The following PLEKHA8 variants were observed in gnomAD, a reference collection of about 807,000 sequenced individuals.
PLEKHA8 encodes the protein pleckstrin homology domain-containing family A member 8.
Under a neutral mutation model 68.2 loss-of-function variants are expected in PLEKHA8, and 36 were observed. That is an observed-to-expected ratio of 0.53 (90% CI 0.40 to 0.70). PLEKHA8 has a LOEUF of 0.70. PLEKHA8 is among the 30% of genes least tolerant of loss of function. The probability of loss-of-function intolerance (pLI) is 0.00; values close to 1 mark genes in which losing one functional copy is unlikely to be tolerated. For missense variants in PLEKHA8, 505 were observed against 615.4 expected (o/e 0.82, Z 1.90); for synonymous variants, 211 against 216.1 (o/e 0.98, Z 0.20).
At chr7:30,062,295 A>G (rs1793505041) in intron 11 of PLEKHA8, among the ~76,000 whole-genome samples, 1 of 152,196 alleles carries the variant, frequency 6.6e-6, no homozygotes, top group African/African-American at 2.4e-5. Flanking sequence ...TGGCTCTCCA[A>G]CTTCAGTGGC....
chr7:30,048,080 C>A, intron 4 of PLEKHA8, 124 bp downstream of exon 4: 1 of 524,208 alleles, frequency 1.9e-6, no homozygotes, highest in Non-Finnish European at 2.7e-6. Context: ...TAAAAAGCAC[C>A]AGACGTTGCT....
Position 30,082,965 on chromosome 7 carries a change from A to C in PLEKHA8, c.*4178A>C. 2 of 985,406 alleles carry C rather than the reference A, an allele frequency of 2.0e-6. No individual in the cohort carries two copies. Among genetic ancestry groups the C allele is most frequent in the Non-Finnish European group, 2.4e-6 (2 of 829,914 alleles). The allele number at this position is 985,406 out of a possible 1,614,324, so 61.0% of individuals were successfully genotyped here. On this transcript the variant is annotated 3_prime_UTR_variant, in exon 14 of 14. Coordinates refer to ENST00000449726, the MANE Select transcript of PLEKHA8 (RefSeq NM_001197026.2). ...CGTCTCTGAATCACTGATTAAAACC[A>C]GTTGCTTCTGATTTTAGTCACAGGT...
chr7:30,108,069 A>AAAAAAAAAAAAAAAAAAAC (rs1796132565), intron 13 of PLEKHA8, among the ~76,000 whole-genome samples: 1 of 104,488 alleles, frequency 9.6e-6, no homozygotes, highest in African/African-American at 4.0e-5. Flanking sequence ...CTCCATCTCA[A>AAAAAAAAAAAAAAAAAAAC]AAAAAAAAAA....
At chr7:30,043,143 T>C (rs1437017653) in intron 1 of PLEKHA8, among the ~76,000 whole-genome samples, 1 of 152,146 alleles carries the variant, frequency 6.6e-6, no homozygotes, top group African/African-American at 2.4e-5. Flanking sequence ...ACCACAGGTG[T>C]ATGCCACCAC....
At chr7:30,032,356 A>T (rs775876214) in intron 1 of PLEKHA8, among the ~76,000 whole-genome samples, 48 of 152,290 alleles carry the variant, frequency 3.2e-4, no homozygotes, top group Middle Eastern at 6.8e-3. Context: ...AAATAATGGG[A>T]TTTACTAGTT....
intron 1 of PLEKHA8, among the ~76,000 whole-genome samples, chr7:30,038,090 AAAG>A (rs1347888498): frequency 6.6e-6 from 1 of 152,212 alleles, no homozygotes; most frequent in Non-Finnish European, 1.5e-5. Flanking sequence ...TGGCGGACTT[AAAG>A]GCAGAATGAT....
At chr7:30,078,038 T>C (rs1794719278) in intron 13 of PLEKHA8, among the ~76,000 whole-genome samples, 3 of 152,196 alleles carry the variant, frequency 2.0e-5, no homozygotes, top group Admixed American at 1.3e-4. Flanking sequence ...GAATAAACTA[T>C]GTTAAAGCAT....
intron 12 of PLEKHA8, among the ~76,000 whole-genome samples, chr7:30,069,328 G>A (rs187808533): frequency 6.6e-6 from 1 of 152,282 alleles, no homozygotes; most frequent in Non-Finnish European, 1.5e-5. Flanking sequence ...GAGTAATTCC[G>A]CCCTTTCTGG....
At chr7:30,035,932 C>T (rs1215087388) in intron 1 of PLEKHA8, among the ~76,000 whole-genome samples, 1 of 152,066 alleles carries the variant, frequency 6.6e-6, no homozygotes, top group Non-Finnish European at 1.5e-5. Context: ...AGGCATGAGC[C>T]ACCTCGCCCG....
chr7:30,050,367 TAAG>T, intron 5 of PLEKHA8, 64 bp from the exon 6 acceptor site: 1 of 1,507,956 alleles, frequency 6.6e-7, no homozygotes, highest in Non-Finnish European at 8.8e-7. Flanking sequence ...TTGTATGTAA[TAAG>T]ATCATAAATA....
intron 10 of PLEKHA8, 106 bp downstream of exon 10, chr7:30,061,048 GTTCTT>G (rs1261442108): frequency 9.6e-7 from 1 of 1,042,932 alleles, no homozygotes; most frequent in Non-Finnish European, 1.4e-6. Flanking sequence ...ATGTGTCACT[GTTCTT>G]TTAAGAGAGC....
chr7:30,063,453 A>C (rs895885402), intron 12 of PLEKHA8, among the ~76,000 whole-genome samples: 3 of 152,208 alleles, frequency 2.0e-5, no homozygotes, highest in African/African-American at 7.2e-5. Flanking sequence ...CCATTGATCT[A>C]TAGGAAATTC....
chr7:30,043,942 A>G (rs1481115474), intron 1 of PLEKHA8, among the ~76,000 whole-genome samples: 2 of 152,122 alleles, frequency 1.3e-5, no homozygotes, highest in Non-Finnish European at 2.9e-5. Context: ...TGTATCCCTA[A>G]AGGGCTGTGG....
chr7:30,045,051 G>A lies in PLEKHA8; in HGVS notation c.41-34G>A, dbSNP rs770325492. The A allele has an allele frequency of 1.3e-5, 19 of 1,462,448 alleles. No homozygotes were observed. The African/African-American group carries it at 2.3e-4, about 17-fold the overall frequency. 90.6% of individuals were successfully genotyped at this position (1,462,448 alleles called of 1,614,324 possible). A position where few individuals can be genotyped will look rare whatever the true frequency, so the allele number is the denominator to read the frequency against. On this transcript the variant is annotated intron_variant, in intron 1 of 13. Transcript: ENST00000449726. ...TTGGGAGGTAGTTCATACACAGGCA[G>A]TAATTGCAATGATGCTCTTGCTTTT...
intron 13 of PLEKHA8, chr7:30,116,009 CA>C (rs1796510240): frequency 3.4e-5 from 5 of 148,432 alleles, no homozygotes; most frequent in Non-Finnish European, 7.5e-5. Context: ...CATACGCATA[CA>C]TACGCATACA....
chr7:30,108,506 T>A (rs189319223), intron 13 of PLEKHA8, among the ~76,000 whole-genome samples: 98 of 152,368 alleles, frequency 6.4e-4, no homozygotes, highest in East Asian at 1.9e-3. Context: ...AATTTAATTT[T>A]ATTTTTTTTA....
intron 1 of PLEKHA8, among the ~76,000 whole-genome samples, chr7:30,035,780 A>T (rs930243287): frequency 2.0e-5 from 3 of 151,772 alleles, no homozygotes; most frequent in African/African-American, 7.3e-5. Context: ...AGTAGCTGGG[A>T]TTACAGGCGC....
At chr7:30,109,528 C>T (rs1033585696) in intron 13 of PLEKHA8, among the ~76,000 whole-genome samples, 1 of 125,940 alleles carries the variant, frequency 7.9e-6, no homozygotes, top group Non-Finnish European at 1.6e-5. Flanking sequence ...GTGGAGGTTG[C>T]AGTCAGCCAA....
chr7:30,060,913 GTT>G lies in PLEKHA8; in HGVS notation c.1070_1071del (p.Val357GlufsTer9). On this transcript the variant is annotated frameshift_variant, in exon 10 of 14. Coordinates refer to ENST00000449726, the MANE Select transcript of PLEKHA8 (RefSeq NM_001197026.2). LOFTEE classifies it high-confidence loss of function. ...DKLGPTVFAP[V>X]KMDLVGNIKK... ...ACTTGGCCCTACAGTGTTTGCTCCT[GTT>G]AAGATGGATCTTGTTGGAAATATTA... The G allele has an allele frequency of 6.2e-7, 1 of 1,613,474 alleles. No homozygotes were observed. The highest frequency in any genetic ancestry group is 8.5e-7 in the Non-Finnish European group (1 of 1,179,726).
Sources: allele counts gnomAD v4.1 joint callset (sites outside exome capture counted in the v4.1 genomes callset), GRCh38; gene constraint gnomAD v4.1.1; transcripts MANE v1.5; gene names NCBI Gene and HGNC (gene_info 2026-07-23, HGNC 2026-07-21).